PCNX2: variants seen among roughly 807,000 people sequenced by gnomAD.
PCNX2 encodes the protein pecanex-like protein 2.
PCNX2 carries 168 observed loss-of-function variants against 223.8 expected under a neutral mutation model. That is an observed-to-expected ratio of 0.75 (90% CI 0.66 to 0.85). PCNX2 has a LOEUF of 0.85. Among genes scored for constraint, PCNX2 ranks in the 40% least tolerant of loss-of-function variants. The pLI is 0.00. For missense variants in PCNX2, 2,507 were observed against 2,675.5 expected (o/e 0.94, Z 1.39); for synonymous variants, 1,006 against 1,052.6 (o/e 0.96, Z 0.86).
intron 8 of PCNX2, among the ~76,000 whole-genome samples, chr1:233,244,623 A>G (rs1658991851): frequency 6.6e-6 from 1 of 152,220 alleles, no homozygotes; most frequent in South Asian, 2.1e-4. Context: ...GAGGCAGGAG[A>G]ATTGTTGAAC....
intron 1 of PCNX2, among the ~76,000 whole-genome samples, chr1:233,272,717 G>A (rs572729257): frequency 3.9e-5 from 6 of 152,056 alleles, no homozygotes; most frequent in Non-Finnish European, 7.4e-5. Context: ...AGCACAATTC[G>A]CAATTGCAAA....
At chr1:233,249,062 A>G (rs2102983342) in intron 8 of PCNX2, among the ~76,000 whole-genome samples, 1 of 152,344 alleles carries the variant, frequency 6.6e-6, no homozygotes, top group South Asian at 2.1e-4. Flanking sequence ...AGGTCATGCT[A>G]GAAGAGGCAG....
intron 26 of PCNX2, among the ~76,000 whole-genome samples, chr1:233,020,553 T>TTCTTTCAGACAACTCATTCTAGGA: frequency 6.6e-6 from 1 of 152,264 alleles, no homozygotes; most frequent in South Asian, 2.1e-4. Context: ...GATCAGCATA[T>TTCTTTCAGACAACTCATTCTAGGA]TCTTTCAGAC....
chr1:233,000,595 A>G lies in PCNX2; in HGVS notation c.5098-60T>C. ...GGACCAGAGGAACTCACCCCCAGGA[A>G]GCATGCAGATGGCAACTGGCCAGTG... On this transcript the variant is annotated intron_variant, in intron 29 of 33. Transcript: ENST00000258229. The surrounding 1 kb of genome is among the most constrained non-coding windows in gnomAD (Gnocchi z 4.6). The G allele has an allele frequency of 7.1e-7, 1 of 1,412,552 alleles. No homozygotes were observed. The highest frequency in any genetic ancestry group is 2.0e-5 in the Admixed American group (1 of 49,638). The allele number at this position is 1,412,552 out of a possible 1,614,324, so 87.5% of individuals were successfully genotyped here.
intron 25 of PCNX2, 30 bp from the exon 26 acceptor site, chr1:233,025,429 G>GCACA: frequency 6.2e-7 from 1 of 1,609,454 alleles, no homozygotes. Context: ...AAGGAAGTTT[G>GCACA]AAGAGAAGGC....
At position 233,258,186 on chromosome 1, in the gene PCNX2, G is replaced by A; in HGVS notation, c.1676C>T (p.Ser559Phe). 1 of 1,613,948 alleles carries A rather than the reference G, an allele frequency of 6.2e-7. No homozygotes were observed. Among genetic ancestry groups the A allele is most frequent in the Non-Finnish European group, 8.5e-7 (1 of 1,179,878 alleles). Residue 559 changes from serine (S) to phenylalanine (F), a missense_variant, in exon 5 of 34, where the codon TCC (serine) becomes TTC (phenylalanine). Around this residue, in one of 3 missense-constraint regions of PCNX2, gnomAD observed 1,031 missense variants for 1,021.7 expected, o/e 1.01. Coordinates refer to ENST00000258229, the MANE Select transcript of PCNX2 (RefSeq NM_014801.4). ...TTCCTTAGCCTCTAGGTCAGATTTG[G>A]AAGTTGGCATTGTTTTCTCTGTATC... ...VNDTEKTMPT[S>F]KSDLEAKEGQ...
Position 233,199,039 on chromosome 1 carries a change from C to A in PCNX2, c.2975-9G>T. The A allele has an allele frequency of 6.4e-7, 1 of 1,557,472 alleles. No homozygotes were observed. The highest frequency in any genetic ancestry group is 8.7e-7 in the Non-Finnish European group (1 of 1,151,828). ...GGTTATCCCAGACACAGCTGGAACA[C>A]AAACATCAACAGTTCTTTTCTAGAC... On this transcript the variant is annotated splice_polypyrimidine_tract_variant and intron_variant, in intron 14 of 33. Transcript: ENST00000258229.
At position 233,117,098 on chromosome 1, in the gene PCNX2, T is replaced by C. The variant is rs183202901; in HGVS notation, c.3837+17915A>G. ...AGCTATCAGAAAACCCAATATGAAATAGGTAATTTAAATATCCCTACAACT... is the reference window on the plus strand; with the variant it reads ...AGCTATCAGAAAACCCAATATGAAACAGGTAATTTAAATATCCCTACAACT... On this transcript the variant is annotated intron_variant, in intron 21 of 33. Transcript: ENST00000258229. Among the ~76,000 whole-genome samples the C allele has an allele frequency of 3.9e-3, 600 of 152,178 alleles. 7 individuals are homozygous for C. Among genetic ancestry groups the C allele is most frequent in the Non-Finnish European group, 7.0e-3 (478 of 67,982 alleles).
intron 25 of PCNX2, among the ~76,000 whole-genome samples, chr1:233,044,596 ATAGTT>A (rs71891586): frequency 0.26 from 39,448 of 151,834 alleles, 6,715 homozygotes; most frequent in African/African-American, 0.49. Context: ...TAACAAGAAA[ATAGTT>A]TATTTCTATT....
At chr1:233,083,052 C>T (rs111519272) in intron 23 of PCNX2, among the ~76,000 whole-genome samples, 1 of 152,186 alleles carries the variant, frequency 6.6e-6, no homozygotes, top group African/African-American at 2.4e-5. Context: ...GAAGGGTCAG[C>T]TCAGCAAATA....
At chr1:233,200,979 T>C (rs1165445194) in intron 13 of PCNX2, among the ~76,000 whole-genome samples, 3 of 145,464 alleles carry the variant, frequency 2.1e-5, no homozygotes, top group African/African-American at 7.7e-5. Flanking sequence ...TGAGCCGAGA[T>C]TGCACCACTG....
At chr1:233,288,939 A>C (rs1239258504) in intron 1 of PCNX2, 5 of 1,511,150 alleles carry the variant, frequency 3.3e-6, no homozygotes, top group Non-Finnish European at 4.6e-6. Flanking sequence ...AAAAGTTTCA[A>C]CCTTGTGTTC....
rs144806240 is a variant in PCNX2 at position 233,105,309 on chromosome 1, G to A, written c.3838-9446C>T. On this transcript the variant is annotated intron_variant, in intron 21 of 33. Coordinates refer to ENST00000258229, the MANE Select transcript of PCNX2 (RefSeq NM_014801.4). Reference sequence around the variant, plus strand: ...AAGTAAAAAAGAAAAACTGTATGTTGCTCAATTGGTGCAGAAAGGACGTTG... The same window carrying A: ...AAGTAAAAAAGAAAAACTGTATGTTACTCAATTGGTGCAGAAAGGACGTTG... 6.1e-3 allele frequency among the ~76,000 whole-genome samples: 934 copies of A among 152,252 alleles called. 3 individuals are homozygous for A. Among genetic ancestry groups the A allele is most frequent in the South Asian group, 0.016 (77 of 4,818 alleles).
At chr1:233,080,220 T>TG (rs1418974858) in intron 23 of PCNX2, among the ~76,000 whole-genome samples, 8 of 152,046 alleles carry the variant, frequency 5.3e-5, no homozygotes, top group East Asian at 3.9e-4. Context: ...TATGATTTTT[T>TG]GGGGGGGCTG....
At chr1:233,291,282 G>A (rs1332756453) in intron 1 of PCNX2, among the ~76,000 whole-genome samples, 1 of 152,194 alleles carries the variant, frequency 6.6e-6, no homozygotes, top group East Asian at 1.9e-4. Flanking sequence ...GTCTGGAGAA[G>A]TAAGGTGACT....
In PCNX2 at chr1:233,139,935, T is replaced by C; in HGVS notation, c.3518-80A>G. 1.4e-6 allele frequency: 2 copies of C among 1,475,520 alleles called. No homozygotes were observed. Among genetic ancestry groups the C allele is most frequent in the Non-Finnish European group, 1.8e-6 (2 of 1,100,294 alleles). The allele number at this position is 1,475,520 out of a possible 1,614,324, so 91.4% of individuals were successfully genotyped here. ...TAAGTACAGGTAATAATAAGTAATA[T>C]TCCCCCCCTTTAATTCAAAAGCTGC... On this transcript the variant is annotated intron_variant, in intron 19 of 33. Transcript: ENST00000258229. This position sits in a 1 kb window ranked among gnomAD's most constrained non-coding sequence, Gnocchi z 4.4.
chr1:232,986,146 G>C lies in PCNX2; in HGVS notation c.6186C>G (p.Ser2062Arg). ...GGNTSDTQSS[S>R]SVNIVMGPSA... is the part of the protein sequence containing the mutation. ...AGGGGCCCATCACGATGTTGACGCT[G>C]CTGGATGACTGGGTGTCACTGGTAT... Residue 2062 changes from serine to arginine, a missense_variant, in exon 33 of 34, where the codon AGC becomes AGG. Ser to Arg is a moderately radical substitution (Grantham distance 110). Around this residue, in one of 3 missense-constraint regions of PCNX2, gnomAD observed 1,372 missense variants for 1,509.4 expected, o/e 0.91. Transcript: ENST00000258229. The C allele has an allele frequency of 1.9e-6, 3 of 1,571,124 alleles. No individual in the cohort carries two copies. The highest frequency in any genetic ancestry group is 1.2e-5 in the South Asian group (1 of 85,416).
intron 23 of PCNX2, among the ~76,000 whole-genome samples, chr1:233,080,154 G>GATCT (rs912134730): frequency 3.3e-5 from 5 of 152,180 alleles, no homozygotes; most frequent in African/African-American, 1.2e-4. Flanking sequence ...TTCAAACTTC[G>GATCT]ATCTCTTTTC....
At chr1:233,140,299 CA>C (rs1482194981) in intron 19 of PCNX2, among the ~76,000 whole-genome samples, 1 of 152,144 alleles carries the variant, frequency 6.6e-6, no homozygotes, top group East Asian at 1.9e-4. Context: ...ATCTTTAAAC[CA>C]CAAACAAATC....
Sources: allele counts gnomAD v4.1 joint callset (sites outside exome capture counted in the v4.1 genomes callset), GRCh38; gene constraint gnomAD v4.1.1; regional missense constraint gnomAD v4.1.1; non-coding constraint Gnocchi (gnomAD v3.1); transcripts MANE v1.5; gene names NCBI Gene and HGNC (gene_info 2026-07-23, HGNC 2026-07-21).